The following CACNA1A variants were observed in gnomAD, a reference collection of about 807,000 sequenced individuals.
CACNA1A encodes calcium voltage-gated channel subunit alpha1 A.
CACNA1A carries 57 observed loss-of-function variants against 262.4 expected under a neutral mutation model. The observed-to-expected ratio is 0.22, with a 90% CI of 0.18 to 0.27. CACNA1A has a LOEUF of 0.27. Among genes scored for constraint, CACNA1A ranks in the 10% least tolerant of loss-of-function variants. CACNA1A has a pLI of 1.00. For missense variants in CACNA1A, 2,526 were observed against 3,562.8 expected (o/e 0.71, Z 7.41); for synonymous variants, 1,431 against 1,419.3 (o/e 1.01, Z -0.18).
intron 1 of CACNA1A, among the ~76,000 whole-genome samples, chr19:13,480,691 A>G (rs1049791076): frequency 2.0e-5 from 3 of 152,064 alleles, no homozygotes; most frequent in Admixed American, 6.5e-5. Flanking sequence ...AAAAATAGAG[A>G]AAAAAAGTTA....
intron 21 of CACNA1A, 72 bp from the exon 22 acceptor site, chr19:13,283,468 T>A: frequency 8.2e-6 from 13 of 1,582,384 alleles, no homozygotes; most frequent in Non-Finnish European, 1.0e-5. Context: ...TTCCATAATC[T>A]CATGTTACCT....
chr19:13,398,197 G>A (rs1456627169), intron 3 of CACNA1A, among the ~76,000 whole-genome samples: 3 of 151,984 alleles, frequency 2.0e-5, no homozygotes, highest in African/African-American at 7.3e-5. Flanking sequence ...AGGAGGTGGA[G>A]GTTGCAGTGA....
intron 6 of CACNA1A, among the ~76,000 whole-genome samples, chr19:13,358,368 C>T (rs1193208874): frequency 6.6e-6 from 1 of 152,198 alleles, no homozygotes; most frequent in Non-Finnish European, 1.5e-5. Context: ...GAGTTCCAGA[C>T]CTGCCTGGGC....
At chr19:13,277,025 A>G in intron 23 of CACNA1A, 44 bp downstream of exon 23, 1 of 1,427,164 alleles carries the variant, frequency 7.0e-7, no homozygotes, top group Admixed American at 1.7e-5. Context: ...CACTTGCTTA[A>G]AAAAAAAAAT....
intron 2 of CACNA1A, among the ~76,000 whole-genome samples, chr19:13,454,465 G>T (rs1258943680): frequency 6.6e-6 from 1 of 151,914 alleles, no homozygotes; most frequent in Non-Finnish European, 1.5e-5. Context: ...CTGCCTCCCG[G>T]GTTCAAGCGA....
intron 3 of CACNA1A, chr19:13,452,489 G>A (rs1426717305): frequency 1.9e-5 from 3 of 161,468 alleles, no homozygotes; most frequent in African/African-American, 7.2e-5. Context: ...ATAATCTTCT[G>A]TTCATCTCCC....
rs1555743942 is a variant in CACNA1A at position 13,257,514 on chromosome 19, G to C, written c.4426C>G (p.Gln1476Glu). The C allele has an allele frequency of 6.3e-7, 1 of 1,596,678 alleles. No homozygotes were observed. ...ATGCGGTACCCGGGGCTGGGGCCCT[G>C]GTTCTCAAAGGTGGCGTCCACCGAA... ...KHSVDATFENQGPSPGYRMEM... is the reference protein window; with the variant it reads ...KHSVDATFENEGPSPGYRMEM... The change falls in exon 28 of 47, where the codon CAG becomes GAG. Residue 1476 changes from glutamine to glutamate, a missense_variant. Physicochemically the swap from Gln to Glu is conservative, Grantham distance 29. Coordinates refer to ENST00000360228, the MANE Select transcript of CACNA1A (RefSeq NM_001127222.2).
chr19:13,245,099 G>A, intron 31 of CACNA1A, 83 bp downstream of exon 31: 2 of 1,092,644 alleles, frequency 1.8e-6, no homozygotes, highest in Non-Finnish European at 2.8e-6. Context: ...GGGACACACT[G>A]CCTCTGGGAC....
chr19:13,339,654 A>T (rs960239595), intron 6 of CACNA1A, among the ~76,000 whole-genome samples: 1 of 152,190 alleles, frequency 6.6e-6, no homozygotes. Flanking sequence ...CATTATATGC[A>T]TTGAAACGTC....
intron 6 of CACNA1A, among the ~76,000 whole-genome samples, chr19:13,339,339 C>T (rs2058635709): frequency 6.6e-6 from 1 of 151,992 alleles, no homozygotes; most frequent in Non-Finnish European, 1.5e-5. Flanking sequence ...TTTATAAAAA[C>T]AGAAAGTAGC....
chr19:13,330,403 G>C, intron 9 of CACNA1A, 70 bp from the exon 10 acceptor site: 9 of 1,069,128 alleles, frequency 8.4e-6, no homozygotes, highest in Non-Finnish European at 1.3e-5. Flanking sequence ...TATGGACACA[G>C]TGTGTCCTTG....
intron 1 of CACNA1A, among the ~76,000 whole-genome samples, chr19:13,473,958 C>T (rs543440150): frequency 6.6e-6 from 1 of 152,220 alleles, no homozygotes; most frequent in Non-Finnish European, 1.5e-5. Flanking sequence ...CTCCCCACTG[C>T]ACTTCCCCAA....
At chr19:13,299,475 T>G in intron 18 of CACNA1A, 122 bp from the exon 19 acceptor site, 2 of 805,858 alleles carry the variant, frequency 2.5e-6, no homozygotes. Context: ...TACTCCCCAC[T>G]GAATGCTAGG....
In CACNA1A at chr19:13,278,255, C is replaced by G. The variant is rs533170705; in HGVS notation, c.3823-1127G>C. Among the ~76,000 whole-genome samples the G allele has an allele frequency of 2.0e-5, 3 of 152,198 alleles. No homozygotes were observed. The East Asian group carries it at 5.8e-4, about 29-fold the overall frequency. On this transcript the variant is annotated intron_variant, in intron 22 of 46. Transcript: ENST00000360228. The stretch of plus-strand genomic sequence containing the variant: ...CAGGGATAAAAGTCAAAGTCCTCCC[C>G]GAGGCCCTCAAGCCCCTGCACGATC...
chr19:13,281,801 C>T (rs559403556), intron 22 of CACNA1A, among the ~76,000 whole-genome samples: 27 of 152,242 alleles, frequency 1.8e-4, no homozygotes, highest in African/African-American at 6.0e-4. Flanking sequence ...GTTTCGACTG[C>T]GAGATGGACG....
intron 38 of CACNA1A, among the ~76,000 whole-genome samples, chr19:13,224,114 G>A (rs2055342290): frequency 6.6e-6 from 1 of 152,098 alleles, no homozygotes; most frequent in Non-Finnish European, 1.5e-5. Flanking sequence ...CCAGAGGTCA[G>A]GAGTTCGAGA....
At chr19:13,390,446 A>T (rs2059691487) in intron 3 of CACNA1A, among the ~76,000 whole-genome samples, 1 of 152,168 alleles carries the variant, frequency 6.6e-6, no homozygotes, top group South Asian at 2.1e-4. Flanking sequence ...GTCTGACAGA[A>T]CTTTCTGGAT....
intron 6 of CACNA1A, among the ~76,000 whole-genome samples, chr19:13,356,456 A>G (rs2059009028): frequency 6.6e-6 from 1 of 152,104 alleles, no homozygotes; most frequent in African/African-American, 2.4e-5. Context: ...TCTGCTCTTA[A>G]CCACTCAGTT....
In CACNA1A at chr19:13,224,963, G is replaced by C. The variant is rs1040478014; in HGVS notation, c.5626-191C>G. 1.1e-5 allele frequency: 6 copies of C among 547,920 alleles called. No individual in the cohort carries two copies. In the East Asian group the frequency reaches 1.8e-4, roughly 17 times the overall value. 33.9% of individuals were successfully genotyped at this position (547,920 alleles called of 1,614,324 possible). ...GTGGCCCGCAGGGAGGGCACAAAAG[G>C]CTCTCTTGTACTTCTGGTCCCCTGC... is the stretch of plus-strand genomic sequence containing the variant. On this transcript the variant is annotated intron_variant, in intron 37 of 46. Coordinates refer to ENST00000360228, the MANE Select transcript of CACNA1A (RefSeq NM_001127222.2).
Sources: allele counts gnomAD v4.1 joint callset (sites outside exome capture counted in the v4.1 genomes callset), GRCh38; gene constraint gnomAD v4.1.1; transcripts MANE v1.5; gene names NCBI Gene and HGNC (gene_info 2026-07-23, HGNC 2026-07-21).